Variants in RETREG3 observed in about 807,000 individuals in gnomAD.
The protein encoded by RETREG3 is reticulophagy regulator 3.
Under a neutral mutation model 50.2 loss-of-function variants are expected in RETREG3, and 23 were observed. That is an observed-to-expected ratio of 0.46 (90% CI 0.33 to 0.65). The LOEUF is 0.65. RETREG3 is among the 30% of genes least tolerant of loss of function. The pLI, the probability that RETREG3 is intolerant of heterozygous loss-of-function variation, is 0.02. For missense variants in RETREG3, 546 were observed against 598.0 expected (o/e 0.91, Z 0.91); for synonymous variants, 240 against 234.4 (o/e 1.02, Z -0.22).
At chr17:42,585,286 T>G (rs751738241) in intron 5 of RETREG3, 24 bp from the exon 6 acceptor site, 1 of 1,609,728 alleles carries the variant, frequency 6.2e-7, no homozygotes, top group Admixed American at 1.7e-5. Flanking sequence ...TGGGAAACAG[T>G]GACAAAATGG....
At chr17:42,599,863 G>A (rs1299467518) in intron 1 of RETREG3, among the ~76,000 whole-genome samples, 17 of 151,840 alleles carry the variant, frequency 1.1e-4, no homozygotes, top group Admixed American at 9.9e-4. Flanking sequence ...GCATAGTGGC[G>A]GGCACCTGTA....
Position 42,581,766 on chromosome 17 carries a change from G to T in RETREG3, c.*47C>A. 1 of 1,495,320 alleles carries T rather than the reference G, an allele frequency of 6.7e-7. No individual in the cohort carries two copies. Among genetic ancestry groups the T allele is most frequent in the Non-Finnish European group, 9.0e-7 (1 of 1,114,780 alleles). 92.6% of individuals were successfully genotyped at this position (1,495,320 alleles called of 1,614,324 possible). On this transcript the variant is annotated 3_prime_UTR_variant, in exon 9 of 9. Transcript: ENST00000309428. ...TGCCCCATCACCTTAAGTGGGATGGGGAGAAAAAAACCTAAACCACAGTGA... is the reference window on the plus strand; with the variant it reads ...TGCCCCATCACCTTAAGTGGGATGGTGAGAAAAAAACCTAAACCACAGTGA...
At chr17:42,605,990 C>CAAAAAA (rs764477176) in intron 1 of RETREG3, among the ~76,000 whole-genome samples, 2 of 65,056 alleles carry the variant, frequency 3.1e-5, no homozygotes, top group Non-Finnish European at 2.9e-5. Context: ...GACTCCATCT[C>CAAAAAA]AAAAAAAAAA....
At chr17:42,605,407 C>A (rs1417761730) in intron 1 of RETREG3, 1 of 152,054 alleles carries the variant, frequency 6.6e-6, no homozygotes, top group Non-Finnish European at 1.5e-5. Flanking sequence ...GCTAATGATC[C>A]TCCTCCCTTT....
At chr17:42,605,796 C>T (rs988073340) in intron 1 of RETREG3, among the ~76,000 whole-genome samples, 1 of 151,966 alleles carries the variant, frequency 6.6e-6, no homozygotes, top group African/African-American at 2.4e-5. Context: ...AGTTCAAGAC[C>T]AGCCTGGCCA....
rs527728359 is a variant in RETREG3 at position 42,585,599 on chromosome 17, A to G, written c.590-337T>C. On this transcript the variant is annotated intron_variant, in intron 5 of 8. Coordinates refer to ENST00000309428, the MANE Select transcript of RETREG3 (RefSeq NM_178126.4). ...GTTTTGATATACAAAAGCCACAGGC[A>G]TAAGTACTTAGTTCTTCCAGCCCCA... Among the ~76,000 whole-genome samples, 7 of 152,366 alleles carry G rather than the reference A, an allele frequency of 4.6e-5. No individual in the cohort carries two copies. The South Asian group carries it at 8.3e-4, about 18-fold the overall frequency.
At chr17:42,582,565 C>G (rs539884463) in intron 8 of RETREG3, 109 bp downstream of exon 8, 1 of 1,506,396 alleles carries the variant, frequency 6.6e-7, no homozygotes, top group East Asian at 2.3e-5. Context: ...CCGCCTGATC[C>G]ATAGCTCAGA....
intron 1 of RETREG3, among the ~76,000 whole-genome samples, chr17:42,593,555 C>T (rs915157511): frequency 6.7e-6 from 1 of 149,208 alleles, no homozygotes; most frequent in African/African-American, 2.5e-5. Context: ...GAGGCTGAGA[C>T]GAGAATGGCG....
intron 1 of RETREG3, among the ~76,000 whole-genome samples, chr17:42,594,630 T>G (rs1170838403): frequency 6.6e-6 from 1 of 151,372 alleles, no homozygotes; most frequent in Non-Finnish European, 1.5e-5. Flanking sequence ...GATCACGAGG[T>G]CAGGAGATCG....
chr17:42,595,758 T>A (rs1196482710), intron 1 of RETREG3, among the ~76,000 whole-genome samples: 1 of 147,520 alleles, frequency 6.8e-6, no homozygotes, highest in Non-Finnish European at 1.5e-5. Context: ...AACCTCCACC[T>A]CCCAGATTCA....
At chr17:42,603,761 A>C (rs1479318504) in intron 1 of RETREG3, among the ~76,000 whole-genome samples, 1 of 152,156 alleles carries the variant, frequency 6.6e-6, no homozygotes, top group African/African-American at 2.4e-5. Context: ...GCGGATCACG[A>C]GGTCAGGAGA....
intron 3 of RETREG3, 152 bp from the exon 4 acceptor site, chr17:42,587,043 C>T (rs752783975): frequency 1.8e-5 from 19 of 1,048,026 alleles, no homozygotes; most frequent in Admixed American, 5.7e-5. Context: ...TTCTTCTTGG[C>T]TCACCAGGTT....
intron 2 of RETREG3, among the ~76,000 whole-genome samples, chr17:42,590,758 G>A (rs2093131580): frequency 6.6e-6 from 1 of 152,170 alleles, no homozygotes; most frequent in Non-Finnish European, 1.5e-5. Flanking sequence ...CCTGAGGTCA[G>A]AAGTTCGAGA....
chr17:42,581,876 G>A lies in RETREG3; in HGVS notation c.1338C>T (p.Asp446=), dbSNP rs771045591. ...SDLDTDAEGD[D]FELLDQSELS... ...GCTCCGACTGGTCCAGAAGTTCAAA[G>A]TCATCCCCCTCAGCATCAGTGTCCA... Residue 446 remains aspartate (D), a synonymous_variant, in exon 9 of 9, where the codon GAC becomes GAT. Transcript: ENST00000309428. 3 of 1,613,306 alleles carry A rather than the reference G, an allele frequency of 1.9e-6. No individual in the cohort carries two copies. Among genetic ancestry groups the A allele is most frequent in the Non-Finnish European group, 2.5e-6 (3 of 1,179,366 alleles).
chr17:42,599,046 C>G (rs1479556800), intron 1 of RETREG3: 6 of 152,082 alleles, frequency 3.9e-5, no homozygotes, highest in African/African-American at 1.4e-4. Flanking sequence ...TGTTAGTAAT[C>G]GTGCTCTGGG....
intron 6 of RETREG3, among the ~76,000 whole-genome samples, chr17:42,584,039 C>A (rs34917400): frequency 6.6e-6 from 1 of 152,140 alleles, no homozygotes. Context: ...AACTCCTGAC[C>A]TAAGGTGATC....
At chr17:42,582,843 C>A in intron 7 of RETREG3, 37 bp from the exon 8 acceptor site, 1 of 1,613,242 alleles carries the variant, frequency 6.2e-7, no homozygotes, top group Non-Finnish European at 8.5e-7. Context: ...ATAATGCCAT[C>A]AGGAACCAGG....
chr17:42,604,633 G>GCACTCCA (rs1489124830), intron 1 of RETREG3, among the ~76,000 whole-genome samples: 1 of 143,968 alleles, frequency 6.9e-6, no homozygotes, highest in African/African-American at 2.6e-5. Flanking sequence ...TTGTGCCACT[G>GCACTCCA]CACTCCAGCC....
chr17:42,582,757 T>C lies in RETREG3; in HGVS notation c.860A>G (p.His287Arg), dbSNP rs1315172454. Residue 287 changes from histidine to arginine, a missense_variant, in exon 8 of 9, where the codon CAC (histidine) becomes CGC (arginine). By Grantham distance (29) the His-to-Arg change is conservative. Coordinates refer to ENST00000309428, the MANE Select transcript of RETREG3 (RefSeq NM_178126.4). ...ARELAITDSE[H>R]SDAEVSCTDN... is the part of the protein sequence containing the mutation. ...TGTACAGGAGACTTCAGCGTCTGAG[T>C]GCTCAGAGTCTGTGATGGCCAATTC... The C allele has an allele frequency of 6.2e-7, 1 of 1,614,202 alleles. No individual in the cohort carries two copies. Among genetic ancestry groups the C allele is most frequent in the Non-Finnish European group, 8.5e-7 (1 of 1,180,038 alleles).
Sources: allele counts gnomAD v4.1 joint callset (sites outside exome capture counted in the v4.1 genomes callset), GRCh38; gene constraint gnomAD v4.1.1; transcripts MANE v1.5; gene names NCBI Gene and HGNC (gene_info 2026-07-23, HGNC 2026-07-21).